GRID1: variants seen among roughly 807,000 people sequenced by gnomAD.
GRID1 encodes glutamate receptor ionotropic, delta-1.
Under a neutral mutation model 98.0 loss-of-function variants are expected in GRID1, and 28 were observed. That is an observed-to-expected ratio of 0.29 (90% CI 0.21 to 0.39). GRID1 has a LOEUF of 0.39. Ranked by LOEUF, GRID1 falls within the 10% of genes least tolerant of loss-of-function variation. The pLI, the probability that GRID1 is intolerant of heterozygous loss-of-function variation, is 1.00. For missense variants in GRID1, 1,111 were observed against 1,340.5 expected, an observed-to-expected ratio of 0.83 and a Z score of 2.67; for synonymous variants, 553 against 538.5, an observed-to-expected ratio of 1.03 and a Z score of -0.37.
intron 2 of GRID1, among the ~76,000 whole-genome samples, chr10:86,217,706 T>C (rs981600329): frequency 6.6e-6 from 1 of 152,132 alleles, no homozygotes; most frequent in African/African-American, 2.4e-5. Flanking sequence ...CACTGGGCCA[T>C]GGGAACAGAG....
chr10:85,687,635 C>T (rs77571319), intron 12 of GRID1, among the ~76,000 whole-genome samples: 1 of 147,806 alleles, frequency 6.8e-6, no homozygotes, highest in Admixed American at 6.7e-5. Context: ...GTCTCAAATA[C>T]CAAAAAAAAA....
At chr10:85,657,279 C>G (rs1232305843) in intron 12 of GRID1, among the ~76,000 whole-genome samples, 1 of 152,110 alleles carries the variant, frequency 6.6e-6, no homozygotes, top group Admixed American at 6.5e-5. Context: ...ATGTTAGTTC[C>G]CCTCCCAGAA....
chr10:86,009,696 G>A (rs182293083), intron 4 of GRID1, among the ~76,000 whole-genome samples: 11 of 152,156 alleles, frequency 7.2e-5, no homozygotes, highest in Admixed American at 3.3e-4. Context: ...CCCTGCAAAG[G>A]CTTTCTCACC....
At chr10:85,928,815 C>T in intron 4 of GRID1, among the ~76,000 whole-genome samples, 1 of 152,220 alleles carries the variant, frequency 6.6e-6, no homozygotes, top group East Asian at 1.9e-4. Flanking sequence ...CTACACAAAC[C>T]ATTCAGAATA....
chr10:85,788,785 G>A lies in GRID1; in HGVS notation c.1234-59171C>T, dbSNP rs751387061. On this transcript the variant is annotated intron_variant, in intron 8 of 15. Transcript: ENST00000327946. ...CCTCTAGCAACTAATCAAGTCCTTC[G>A]CAGATGAGTTGCTGAGCACCAGACT... Among the ~76,000 whole-genome samples the A allele has an allele frequency of 3.3e-5, 5 of 152,178 alleles. No homozygotes were observed. In the South Asian group the frequency reaches 6.2e-4, roughly 19 times the overall value.
chr10:85,904,886 A>T lies in GRID1; in HGVS notation c.780+11300T>A, dbSNP rs1172940041. Reference sequence around the variant, plus strand: ...CTTCACAAAAACCTAGTATCTGCGTAACTCAAAATCTCAAGTAAGAGGATA... The same window carrying T: ...CTTCACAAAAACCTAGTATCTGCGTTACTCAAAATCTCAAGTAAGAGGATA... On this transcript the variant is annotated intron_variant, in intron 5 of 15. Transcript: ENST00000327946. Among the ~76,000 whole-genome samples the T allele has an allele frequency of 2.0e-5, 3 of 152,160 alleles. No individual in the cohort carries two copies. In the East Asian group the frequency reaches 5.8e-4, roughly 29 times the overall value.
chr10:86,031,061 C>T (rs1280075780), intron 4 of GRID1, among the ~76,000 whole-genome samples: 1 of 152,176 alleles, frequency 6.6e-6, no homozygotes, highest in Admixed American at 6.5e-5. Context: ...AAATCTGGCA[C>T]ATTTGCCACC....
chr10:86,293,480 A>ATTAC (rs1237599849), intron 2 of GRID1, among the ~76,000 whole-genome samples: 2 of 152,168 alleles, frequency 1.3e-5, no homozygotes, highest in African/African-American at 4.8e-5. Context: ...ATTTGATTTG[A>ATTAC]TTACTTGGCT....
At chr10:86,070,534 C>A (rs942370974) in intron 4 of GRID1, among the ~76,000 whole-genome samples, 9 of 152,202 alleles carry the variant, frequency 5.9e-5, no homozygotes, top group Admixed American at 5.9e-4. Flanking sequence ...GTGTCTGGAA[C>A]AGGAGCTGGT....
intron 8 of GRID1, among the ~76,000 whole-genome samples, chr10:85,780,191 C>T (rs1842368948): frequency 6.6e-6 from 1 of 152,182 alleles, no homozygotes; most frequent in Non-Finnish European, 1.5e-5. Context: ...AGCAAATTTA[C>T]CAGAGAGGAG....
At chr10:86,112,919 A>G (rs574920745) in intron 4 of GRID1, among the ~76,000 whole-genome samples, 2 of 152,086 alleles carry the variant, frequency 1.3e-5, no homozygotes, top group South Asian at 2.1e-4. Context: ...ATTAGGGGGG[A>G]AAAGATGCAC....
intron 6 of GRID1, among the ~76,000 whole-genome samples, chr10:85,860,110 A>C (rs1843150850): frequency 6.6e-6 from 1 of 152,196 alleles, no homozygotes; most frequent in Non-Finnish European, 1.5e-5. Context: ...CCCAGGCTGG[A>C]GTCACAGGCC....
intron 2 of GRID1, among the ~76,000 whole-genome samples, chr10:86,362,861 C>T (rs1276036217): frequency 6.6e-6 from 1 of 152,062 alleles, no homozygotes; most frequent in East Asian, 1.9e-4. Context: ...GAGCTCTTAG[C>T]CAGCCCACCT....
intron 4 of GRID1, among the ~76,000 whole-genome samples, chr10:86,099,361 G>T (rs1282621318): frequency 6.6e-6 from 1 of 152,124 alleles, no homozygotes; most frequent in Non-Finnish European, 1.5e-5. Flanking sequence ...ATCCTGATGA[G>T]CACTGGAAAT....
intron 5 of GRID1, among the ~76,000 whole-genome samples, chr10:85,901,056 G>C (rs1311210119): frequency 2.6e-5 from 4 of 152,018 alleles, no homozygotes; most frequent in African/African-American, 9.7e-5. Flanking sequence ...GCCCAGAACA[G>C]AACTATAAAT....
intron 2 of GRID1, among the ~76,000 whole-genome samples, chr10:86,253,942 G>C (rs974679131): frequency 6.6e-6 from 1 of 152,026 alleles, no homozygotes; most frequent in Non-Finnish European, 1.5e-5. Context: ...TCTGGGACAG[G>C]CAGCACCTGC....
intron 4 of GRID1, among the ~76,000 whole-genome samples, chr10:86,010,633 A>G (rs1286010636): frequency 6.6e-6 from 1 of 152,134 alleles, no homozygotes; most frequent in African/African-American, 2.4e-5. Flanking sequence ...GGCCTGGGCA[A>G]TGATGAAACT....
chr10:85,847,649 G>A (rs1843018958), intron 8 of GRID1, among the ~76,000 whole-genome samples: 1 of 151,974 alleles, frequency 6.6e-6, no homozygotes, highest in Non-Finnish European at 1.5e-5. Context: ...GTGGAAAAAT[G>A]TAAAAGCTAG....
intron 2 of GRID1, among the ~76,000 whole-genome samples, chr10:86,318,953 T>C (rs1457564863): frequency 5.3e-5 from 8 of 151,998 alleles, no homozygotes; most frequent in African/African-American, 4.8e-5. Flanking sequence ...AAATAGGAAA[T>C]TGGGGCTTGT....
Sources: gnomAD v4.1 joint callset for allele counts (sites outside exome capture counted in the v4.1 genomes callset) on GRCh38, gnomAD v4.1.1 for gene constraint, MANE v1.5 for transcripts, NCBI Gene and HGNC (gene_info 2026-07-23, HGNC 2026-07-21) for gene names.